Variants in MYSM1 observed in about 807,000 individuals in gnomAD.
MYSM1 encodes the protein Myb like, SWIRM and MPN domains 1, also known as deubiquitinase MYSM1.
MYSM1 carries 51 observed loss-of-function variants against 116.0 expected under a neutral mutation model. The observed-to-expected ratio is 0.44, with a 90% CI of 0.35 to 0.56. MYSM1 has a LOEUF of 0.56. Among genes scored for constraint, MYSM1 ranks in the 20% least tolerant of loss-of-function variants. MYSM1 has a pLI of 0.00. For missense variants in MYSM1, 900 were observed against 974.9 expected (o/e 0.92, Z 1.02); for synonymous variants, 313 against 315.2 (o/e 0.99, Z 0.07).
rs756936767 is a variant in MYSM1 at position 58,682,499 on chromosome 1, T to C, written c.545A>G (p.His182Arg). ...ATCTTCATTTTTAACTTGAAGATTA[T>C]GGCCGGTCTTCTGATTTGGTGTTTC... Reference protein sequence around the residue: ...DKETPNQKTGHNLQVKNEDKG... With the variant: ...DKETPNQKTGRNLQVKNEDKG... The change falls in exon 8 of 20, where the codon CAT becomes CGT. Residue 182 changes from histidine (H) to arginine (R), a missense_variant. Coordinates refer to ENST00000472487, the MANE Select transcript of MYSM1 (RefSeq NM_001085487.3). 3.1e-6 allele frequency: 5 copies of C among 1,613,568 alleles called. No homozygotes were observed. Among genetic ancestry groups the C allele is most frequent in the Non-Finnish European group, 4.2e-6 (5 of 1,179,792 alleles).
intron 8 of MYSM1, among the ~76,000 whole-genome samples, chr1:58,678,608 A>AT (rs1454330933): frequency 6.6e-6 from 1 of 152,210 alleles, no homozygotes; most frequent in Non-Finnish European, 1.5e-5. Flanking sequence ...TGTTGCCTGC[A>AT]TTATCATGGG....
Position 58,665,641 on chromosome 1 carries a change from C to T in MYSM1, c.2032-10G>A, listed in dbSNP as rs762965387. The stretch of plus-strand genomic sequence containing the variant: ...CTCTGGAGAAGTAACTCTACAATGA[C>T]AAGAAAAATATAATTAGTTTCAACT... On this transcript the variant is annotated splice_polypyrimidine_tract_variant and intron_variant, in intron 16 of 19. Transcript: ENST00000472487. 6.8e-7 allele frequency: 1 copy of T among 1,470,936 alleles called. No individual in the cohort carries two copies. Among genetic ancestry groups the T allele is most frequent in the South Asian group, 1.2e-5 (1 of 81,766 alleles). 91.1% of individuals were successfully genotyped at this position (1,470,936 alleles called of 1,614,324 possible).
At chr1:58,697,592 T>A (rs1436498993) in intron 1 of MYSM1, among the ~76,000 whole-genome samples, 56 of 142,086 alleles carry the variant, frequency 3.9e-4, no homozygotes, top group East Asian at 1.2e-3. Flanking sequence ...CAAAAAAAAA[T>A]TTTTTTTTTT....
rs770341254 is a variant in MYSM1, at chr1:58,685,238, C to T, written c.413G>A (p.Arg138Gln). ...TAGCTTTGAAATTTTGGTCCATCTT[C>T]GGCCAAATTTAGCCTGTATTATTAA... ...LFEQGLAKFG[R>Q]RWTKISKLIG... The change falls in exon 7 of 20, where the codon CGA (arginine) becomes CAA (glutamine). Residue 138 changes from arginine to glutamine, a missense_variant. Coordinates refer to ENST00000472487, the MANE Select transcript of MYSM1 (RefSeq NM_001085487.3). 4.9e-5 allele frequency: 78 copies of T among 1,605,582 alleles called. 1 individual carries two copies. The highest frequency in any genetic ancestry group is 4.8e-4 in the South Asian group (43 of 89,256).
At chr1:58,679,421 A>G (rs989630407) in intron 8 of MYSM1, among the ~76,000 whole-genome samples, 3 of 152,208 alleles carry the variant, frequency 2.0e-5, no homozygotes, top group Non-Finnish European at 4.4e-5. Context: ...AGTAACAAAT[A>G]TAGAATTTGA....
chr1:58,668,294 G>A (rs2100605645), intron 14 of MYSM1: 2 of 413,406 alleles, frequency 4.8e-6, no homozygotes, highest in Non-Finnish European at 3.8e-6. Flanking sequence ...TGGAGGTATC[G>A]GTAGTTTAGT....
intron 12 of MYSM1, among the ~76,000 whole-genome samples, chr1:58,669,615 C>T (rs1644525715): frequency 6.6e-6 from 1 of 151,858 alleles, no homozygotes; most frequent in African/African-American, 2.4e-5. Context: ...CCCCTTGAGC[C>T]TAGGAGTTTG....
chr1:58,671,646 C>A (rs1644563126), intron 12 of MYSM1, among the ~76,000 whole-genome samples: 1 of 152,230 alleles, frequency 6.6e-6, no homozygotes, highest in East Asian at 1.9e-4. Flanking sequence ...GGCCCCTTTA[C>A]AACATATGTT....
chr1:58,661,111 G>T (rs1453312299), intron 19 of MYSM1, 59 bp downstream of exon 19: 12 of 1,256,376 alleles, frequency 9.6e-6, no homozygotes, highest in Non-Finnish European at 1.4e-5. Flanking sequence ...AAAACACATT[G>T]AGATGAATAG....
At chr1:58,669,310 T>C (rs1046174102) in intron 12 of MYSM1, among the ~76,000 whole-genome samples, 11 of 151,998 alleles carry the variant, frequency 7.2e-5, no homozygotes, top group African/African-American at 2.2e-4. Context: ...CTATCAGACA[T>C]ATGTCCCACA....
At chr1:58,693,146 G>A (rs1450508064) in intron 2 of MYSM1, among the ~76,000 whole-genome samples, 1 of 152,170 alleles carries the variant, frequency 6.6e-6, no homozygotes, top group Non-Finnish European at 1.5e-5. Flanking sequence ...AAGTGGAAGA[G>A]CAGAGACTTT....
At position 58,666,332 on chromosome 1, in the gene MYSM1, CTT is replaced by C. The variant is rs60017209; in HGVS notation, c.2032-703_2032-702del. The stretch of plus-strand genomic sequence containing the variant: ...TCAAGTGTAAAATCCCAGAATAAAA[CTT>C]TTTCTTCAGCTATAAAAAATACATT... On this transcript the variant is annotated intron_variant, in intron 16 of 19. Transcript: ENST00000472487. Among the ~76,000 whole-genome samples, 171 of 152,192 alleles carry C rather than the reference CTT, an allele frequency of 1.1e-3. 2 individuals carry two copies. In the East Asian group the frequency reaches 0.03, roughly 27 times the overall value.
intron 6 of MYSM1, among the ~76,000 whole-genome samples, chr1:58,686,834 G>A (rs1054471507): frequency 2.0e-5 from 3 of 151,832 alleles, no homozygotes; most frequent in African/African-American, 7.3e-5. Flanking sequence ...GAAAGAACAC[G>A]AACAAGAGGA....
chr1:58,689,046 G>T lies in MYSM1; in HGVS notation c.391C>A (p.Gln131Lys). 6.2e-7 allele frequency: 1 copy of T among 1,610,240 alleles called. No homozygotes were observed. Among genetic ancestry groups the T allele is most frequent in the South Asian group, 1.1e-5 (1 of 89,966 alleles). The stretch of plus-strand genomic sequence containing the variant: ...AAAATTGCTCTATTTACCAGCCCTT[G>T]TTCAAACAGCTCTTTTTCTTCTATC... ...WTIEEKELFE[Q>K]GLAKFGRRWT... is the part of the protein sequence containing the mutation. Residue 131 changes from glutamine to lysine, a missense_variant, in exon 6 of 20, where the codon CAA becomes AAA. By Grantham distance (53) the Gln-to-Lys change is moderately conservative (BLOSUM62 1). Coordinates refer to ENST00000472487, the MANE Select transcript of MYSM1 (RefSeq NM_001085487.3).
At chr1:58,685,319 C>A (rs1644812072) in intron 6 of MYSM1, 68 bp from the exon 7 acceptor site, 5 of 943,606 alleles carry the variant, frequency 5.3e-6, no homozygotes, top group Non-Finnish European at 7.6e-6. Context: ...CAAGCCACTA[C>A]CACATTAAAA....
intron 10 of MYSM1, among the ~76,000 whole-genome samples, chr1:58,675,169 A>G (rs745765781): frequency 1.3e-5 from 2 of 152,128 alleles, no homozygotes; most frequent in Middle Eastern, 3.2e-3. Flanking sequence ...ACTGAACTAT[A>G]TATTTTTAAA....
At position 58,659,996 on chromosome 1, in the gene MYSM1, A is replaced by C; in HGVS notation, c.*1T>G. ...ATTAAAATGTCTTAACTTTAAAATA[A>C]TCACATTAACAATTCCTTTGTACAG... On this transcript the variant is annotated 3_prime_UTR_variant, in exon 20 of 20. Transcript: ENST00000472487. The C allele has an allele frequency of 6.5e-7, 1 of 1,531,292 alleles. No homozygotes were observed. The highest frequency in any genetic ancestry group is 1.4e-5 in the African/African-American group (1 of 71,338). 94.9% of individuals were successfully genotyped at this position (1,531,292 alleles called of 1,614,324 possible).
chr1:58,675,223 A>G (rs1644631554), intron 10 of MYSM1, among the ~76,000 whole-genome samples: 1 of 152,198 alleles, frequency 6.6e-6, no homozygotes, highest in Non-Finnish European at 1.5e-5. Flanking sequence ...TCCCAAGACC[A>G]CTTTAGGAAA....
rs751146839 is a variant in MYSM1, at chr1:58,700,009, A to G, written c.44T>C (p.Val15Ala). ...EADVDIEGDV[V>A]AAAGAQPGSG... is the part of the protein sequence containing the mutation. ...CCCTGGCTGTGCCCCCGCCGCCGCT[A>G]CCACGTCCCCTTCGATATCCACATC... The change falls in exon 1 of 20, where the codon GTA becomes GCA. Residue 15 changes from valine (V) to alanine (A), a missense_variant. Around this residue, in one of 3 missense-constraint regions of MYSM1, gnomAD observed 622 missense variants for 623.7 expected, o/e 1.00. Transcript: ENST00000472487. 3.7e-6 allele frequency: 6 copies of G among 1,613,534 alleles called. No homozygotes were observed. In the East Asian group the frequency reaches 1.3e-4, roughly 36 times the overall value.
Sources: gnomAD v4.1 joint callset for allele counts (sites outside exome capture counted in the v4.1 genomes callset) on GRCh38, gnomAD v4.1.1 for gene constraint, gnomAD v4.1.1 regional missense constraint, MANE v1.5 for transcripts, NCBI Gene and HGNC (gene_info 2026-07-23, HGNC 2026-07-21) for gene names.